CCNJL: variants seen among roughly 807,000 people sequenced by gnomAD.
The protein encoded by CCNJL is cyclin-J-like protein.
Under a neutral mutation model 33.4 loss-of-function variants are expected in CCNJL, and 33 were observed. That is an observed-to-expected ratio of 0.99 (90% confidence interval 0.75 to 1.32). The LOEUF is 1.32. CCNJL is among the 40% of genes most tolerant of loss of function. CCNJL has a pLI of 0.00. For synonymous variants in CCNJL, 227 were observed against 220.9 expected, an observed-to-expected ratio of 1.03 and a Z score of -0.24; for missense variants, 512 against 499.7, an observed-to-expected ratio of 1.02 and a Z score of -0.23.
At chr5:160,279,581 A>T (rs1762137433) in intron 3 of CCNJL, among the ~76,000 whole-genome samples, 1 of 151,986 alleles carries the variant, frequency 6.6e-6, no homozygotes, top group South Asian at 2.1e-4. Context: ...TACTTGGGAG[A>T]CCTCACCTGC....
rs749386280 is a variant in CCNJL, at chr5:160,255,724, G to A, written c.584-16C>T. 1.3e-5 allele frequency: 21 copies of A among 1,611,546 alleles called. No individual in the cohort carries two copies. The highest frequency in any genetic ancestry group is 3.7e-4 in the Middle Eastern group (2 of 5,428). ...AATATGTGATCTGAAAGAAAGCCAC[G>A]GAGGGAGTCAGCATCCAAATCCTCC... On this transcript the variant is annotated splice_polypyrimidine_tract_variant and intron_variant, in intron 4 of 5. Coordinates refer to ENST00000257536, the MANE Select transcript of CCNJL (RefSeq NM_001308173.3).
intron 3 of CCNJL, among the ~76,000 whole-genome samples, chr5:160,279,330 C>T (rs1762128475): frequency 6.6e-6 from 1 of 152,198 alleles, no homozygotes; most frequent in Admixed American, 6.5e-5. Flanking sequence ...AAGAAATGTC[C>T]TAATTGTACC....
upstream of CCNJL, among the ~76,000 whole-genome samples, chr5:160,313,204 A>G (rs1763332190): frequency 6.6e-6 from 1 of 152,104 alleles, no homozygotes; most frequent in Non-Finnish European, 1.5e-5. Flanking sequence ...TTTTAATTCA[A>G]TTGCTTGCTT....
chr5:160,321,012 C>CTCTTTCTTTCTT (rs59309263), intron 1 of CCNJL, among the ~76,000 whole-genome samples: 21 of 71,994 alleles, frequency 2.9e-4, no homozygotes, highest in Admixed American at 6.1e-4. Context: ...CTCTCTCTCT[C>CTCTTTCTTTCTT]TCTTTCTTTC....
At chr5:160,301,823 G>T (rs533246302) in intron 2 of CCNJL, among the ~76,000 whole-genome samples, 1 of 150,042 alleles carries the variant, frequency 6.7e-6, no homozygotes, top group Non-Finnish European at 1.5e-5. Flanking sequence ...TCTGCCTCCC[G>T]GGTTCAAGCA....
chr5:160,280,785 G>A (rs758476138), intron 2 of CCNJL, 47 bp from the exon 3 acceptor site: 1 of 1,288,470 alleles, frequency 7.8e-7, no homozygotes, highest in Admixed American at 2.0e-5. Flanking sequence ...GCTGCCTCCT[G>A]AGAGTCTCGG....
At chr5:160,283,008 T>TATATATAC (rs1554120707) in intron 2 of CCNJL, among the ~76,000 whole-genome samples, 56 of 52,664 alleles carry the variant, frequency 1.1e-3, no homozygotes, top group African/African-American at 1.4e-3. Context: ...TATATATATA[T>TATATATAC]ACATATATAT....
intron 3 of CCNJL, among the ~76,000 whole-genome samples, chr5:160,260,584 G>A (rs1761278829): frequency 6.6e-6 from 1 of 152,132 alleles, no homozygotes; most frequent in South Asian, 2.1e-4. Flanking sequence ...AACAATGGGA[G>A]GTCCTTGTGC....
At chr5:160,275,998 C>T (rs1026186553) in intron 3 of CCNJL, among the ~76,000 whole-genome samples, 5 of 152,202 alleles carry the variant, frequency 3.3e-5, no homozygotes, top group African/African-American at 1.2e-4. Flanking sequence ...TTCACTGCAG[C>T]GCTGTTCACA....
At chr5:160,278,649 C>T (rs1055547019) in intron 3 of CCNJL, among the ~76,000 whole-genome samples, 3 of 152,314 alleles carry the variant, frequency 2.0e-5, no homozygotes, top group Admixed American at 2.0e-4. Context: ...AAGGTGGCAG[C>T]AGCACAAAGG....
chr5:160,337,546 A>G (rs113244560), intron 1 of CCNJL, among the ~76,000 whole-genome samples: 4 of 152,112 alleles, frequency 2.6e-5, no homozygotes, highest in African/African-American at 7.2e-5. Flanking sequence ...TTCTGAGGTC[A>G]TCACCTGCCA....
chr5:160,281,638 CTATT>C (rs904774418), intron 2 of CCNJL, among the ~76,000 whole-genome samples: 13 of 150,576 alleles, frequency 8.6e-5, no homozygotes, highest in African/African-American at 3.0e-4. Flanking sequence ...AGATTAGACA[CTATT>C]TGTTTGTTTG....
chr5:160,312,929 T>G (rs1581015826), upstream of CCNJL: 1 of 139,922 alleles, frequency 7.1e-6, no homozygotes, highest in South Asian at 2.2e-4. Context: ...TTTCTTTCTC[T>G]CTCTCTTTTT....
chr5:160,265,739 C>T (rs555380339), intron 3 of CCNJL, among the ~76,000 whole-genome samples: 1 of 151,940 alleles, frequency 6.6e-6, no homozygotes, highest in South Asian at 2.1e-4. Context: ...GCCTGAAATC[C>T]CAGCTACTCA....
chr5:160,264,269 G>C (rs934668011), intron 3 of CCNJL, among the ~76,000 whole-genome samples: 1 of 152,072 alleles, frequency 6.6e-6, no homozygotes, highest in Admixed American at 6.5e-5. Context: ...TAAACCTAGT[G>C]AAGCACTTCT....
rs1307122562 is a variant in CCNJL at position 160,318,434 on chromosome 5, A to G, written n.207-2929T>C. Among the ~76,000 whole-genome samples the G allele has an allele frequency of 2.6e-5, 4 of 152,242 alleles. No individual in the cohort carries two copies. In the East Asian group the frequency reaches 7.7e-4, roughly 29 times the overall value. ...TATTTCCTAATAAGGTCACATTGTG[A>G]GCTACTGAGGGTTAAGACTTCAACT... On this transcript the variant is annotated intron_variant and non_coding_transcript_variant, in intron 1 of 7. Transcript: ENST00000377503.
intron 1 of CCNJL, among the ~76,000 whole-genome samples, chr5:160,338,486 T>A (rs1763710241): frequency 6.6e-6 from 1 of 152,232 alleles, no homozygotes; most frequent in Non-Finnish European, 1.5e-5. Context: ...TCCCCTTGGT[T>A]TGTAAACTGT....
chr5:160,328,608 C>T (rs1278835442), intron 1 of CCNJL, among the ~76,000 whole-genome samples: 1 of 149,410 alleles, frequency 6.7e-6, no homozygotes, highest in African/African-American at 2.5e-5. Flanking sequence ...AAAAAAAAGA[C>T]TGGGCTTATT....
chr5:160,308,782 A>G (rs1026827631), intron 2 of CCNJL, among the ~76,000 whole-genome samples: 2 of 152,224 alleles, frequency 1.3e-5, no homozygotes, highest in African/African-American at 4.8e-5. Flanking sequence ...CAAACAAACA[A>G]AAAACAGAAA....
Sources: gnomAD v4.1 joint callset for allele counts (sites outside exome capture counted in the v4.1 genomes callset) on GRCh38, gnomAD v4.1.1 for gene constraint, MANE v1.5 for transcripts, NCBI Gene and HGNC (gene_info 2026-07-23, HGNC 2026-07-21) for gene names.